The following DDX31 variants were observed in gnomAD, a reference collection of about 807,000 sequenced individuals.
DDX31 encodes ATP-dependent DNA helicase DDX31.
DDX31 carries 70 observed loss-of-function variants against 91.3 expected under a neutral mutation model. That is an observed-to-expected ratio of 0.77 (90% CI 0.63 to 0.94). The LOEUF (loss-of-function observed/expected upper bound fraction) is 0.94. Ranked by LOEUF, DDX31 falls within the 40% of genes least tolerant of loss-of-function variation. The pLI is 0.00. For synonymous variants in DDX31, 362 were observed against 350.6 expected (o/e 1.03, Z -0.36); for missense variants, 902 against 925.0 (o/e 0.98, Z 0.32).
intron 1 of DDX31, among the ~76,000 whole-genome samples, chr9:132,665,555 A>G (rs772333075): frequency 1.3e-5 from 2 of 152,196 alleles, no homozygotes; most frequent in Non-Finnish European, 2.9e-5. Flanking sequence ...GTAGCCTCTG[A>G]GCAGAGAGGG....
Position 132,659,787 on chromosome 9 carries a change from CA to C in DDX31, c.453-8del. On this transcript the variant is annotated splice_polypyrimidine_tract_variant and splice_region_variant and intron_variant, in intron 4 of 19. Transcript: ENST00000372159. Reference sequence around the variant, plus strand: ...AATACTTTGCTTCTGAACACTGGGCCACCCGAAAAAAAGAACACACTTTACC... The same window carrying C: ...AATACTTTGCTTCTGAACACTGGGCCCCCGAAAAAAAGAACACACTTTACC... 3 of 1,612,266 alleles carry C rather than the reference CA, an allele frequency of 1.9e-6. No homozygotes were observed. The highest frequency in any genetic ancestry group is 2.5e-6 in the Non-Finnish European group (3 of 1,179,100).
Position 132,593,062 on chromosome 9 carries a change from A to C in DDX31, c.*1804T>G, listed in dbSNP as rs537469363. On this transcript the variant is annotated 3_prime_UTR_variant, in exon 20 of 20. Transcript: ENST00000372159. ...AACAATATTAACCTTAAATCTGCTA[A>C]ATCCATGTTTCTTTATTAACTGGGG... The C allele has an allele frequency of 6.6e-6, 1 of 152,334 alleles. No individual in the cohort carries two copies. Among genetic ancestry groups the C allele is most frequent in the African/African-American group, 2.4e-5 (1 of 41,566 alleles). 9.4% of individuals were successfully genotyped at this position (152,334 alleles called of 1,614,324 possible).
At chr9:132,639,179 C>T (rs932937139) in intron 14 of DDX31, among the ~76,000 whole-genome samples, 2 of 152,114 alleles carry the variant, frequency 1.3e-5, no homozygotes, top group African/African-American at 4.8e-5. Flanking sequence ...CCCACTCGCC[C>T]CGCAGCTCTC....
intron 19 of DDX31, among the ~76,000 whole-genome samples, chr9:132,611,478 C>G (rs984307189): frequency 6.6e-6 from 1 of 152,198 alleles, no homozygotes; most frequent in Non-Finnish European, 1.5e-5. Flanking sequence ...ACTGGGAAAA[C>G]AGACTCAGAG....
Position 132,649,314 on chromosome 9 carries a change from TAAAGGG to T in DDX31, c.741-769_741-764del, listed in dbSNP as rs199932551. 7.1e-3 allele frequency among the ~76,000 whole-genome samples: 1,076 copies of T among 152,180 alleles called. 12 individuals are homozygous for T. The highest frequency in any genetic ancestry group is 0.025 in the African/African-American group (1,025 of 41,508). On this transcript the variant is annotated intron_variant, in intron 9 of 19. Coordinates refer to ENST00000372159, the MANE Select transcript of DDX31 (RefSeq NM_022779.9). ...TTTGTTTTAGCAATGGGATAAAAGG[TAAAGGG>T]AACACGCCAATCACACAAGCACCTT...
At chr9:132,647,598 A>G (rs1833917519) in intron 11 of DDX31, among the ~76,000 whole-genome samples, 1 of 152,310 alleles carries the variant, frequency 6.6e-6, no homozygotes, top group Admixed American at 6.5e-5. Context: ...AATGTGGCCT[A>G]GTAAATCAAG....
chr9:132,600,943 C>A (rs988990678), intron 19 of DDX31, among the ~76,000 whole-genome samples: 1 of 152,178 alleles, frequency 6.6e-6, no homozygotes, highest in African/African-American at 2.4e-5. Context: ...GCCTACAGTG[C>A]GTTAGAGAGC....
chr9:132,606,400 T>C lies in DDX31; in HGVS notation c.1994+5687A>G, dbSNP rs957453765. Among the ~76,000 whole-genome samples the C allele has an allele frequency of 2.6e-5, 4 of 152,192 alleles. 1 individual carries two copies. Among genetic ancestry groups the C allele is most frequent in the Non-Finnish European group, 5.9e-5 (4 of 68,036 alleles). Reference sequence around the variant, plus strand: ...AATGCTCGTCTTTGAGGGACTCGGTTCCATGTTTCCAAGGTTGTTCCTGAT... The same window carrying C: ...AATGCTCGTCTTTGAGGGACTCGGTCCCATGTTTCCAAGGTTGTTCCTGAT... On this transcript the variant is annotated intron_variant, in intron 19 of 19. Coordinates refer to ENST00000372159, the MANE Select transcript of DDX31 (RefSeq NM_022779.9).
chr9:132,630,370 G>A lies in DDX31; in HGVS notation c.1525C>T (p.His509Tyr). Reference protein sequence around the residue: ...NAPSSPAEYIHRIGRTARIGC... With the variant: ...NAPSSPAEYIYRIGRTARIGC... ...ATCCGGGCGGTTCTTCCAATCCGGTGGATGTATTCTGCAGGTGAAGATGGA... is the reference window on the plus strand; with the variant it reads ...ATCCGGGCGGTTCTTCCAATCCGGTAGATGTATTCTGCAGGTGAAGATGGA... The change falls in exon 16 of 20, where the codon CAC (histidine) becomes TAC (tyrosine). Residue 509 changes from histidine to tyrosine, a missense_variant. His to Tyr is a moderately conservative substitution (Grantham distance 83). Coordinates refer to ENST00000372159, the MANE Select transcript of DDX31 (RefSeq NM_022779.9). 1.2e-6 allele frequency: 2 copies of A among 1,603,146 alleles called. No homozygotes were observed. The highest frequency in any genetic ancestry group is 1.7e-5 in the Admixed American group (1 of 59,818).
intron 19 of DDX31, among the ~76,000 whole-genome samples, chr9:132,598,387 T>C (rs929959362): frequency 6.6e-6 from 1 of 152,186 alleles, no homozygotes; most frequent in East Asian, 1.9e-4. Flanking sequence ...TCCAATGGCC[T>C]TCCTGAGCAT....
At chr9:132,643,016 G>A (rs1444940228) in intron 13 of DDX31, among the ~76,000 whole-genome samples, 3 of 152,056 alleles carry the variant, frequency 2.0e-5, no homozygotes, top group Non-Finnish European at 4.4e-5. Context: ...AAGAGACGAG[G>A]TTTTGCCATG....
intron 18 of DDX31, among the ~76,000 whole-genome samples, chr9:132,615,919 CAAGGCAA>C (rs1362821014): frequency 2.6e-5 from 4 of 152,234 alleles, no homozygotes; most frequent in Non-Finnish European, 5.9e-5. Context: ...TTTCTGCCAT[CAAGGCAA>C]AAGCCAGCTG....
Position 132,608,304 on chromosome 9 carries a change from T to C in DDX31, c.1994+3783A>G, listed in dbSNP as rs369455369. ...TTTTGTGACTATGACTGTATTTCTA[T>C]GTGTAGGGGAAGATATTTACTGTTC... On this transcript the variant is annotated intron_variant, in intron 19 of 19. Coordinates refer to ENST00000372159, the MANE Select transcript of DDX31 (RefSeq NM_022779.9). Among the ~76,000 whole-genome samples the C allele has an allele frequency of 3.3e-5, 5 of 152,174 alleles. No homozygotes were observed. The South Asian group carries it at 8.3e-4, about 25-fold the overall frequency.
intron 14 of DDX31, chr9:132,638,091 C>T (rs1329532350): frequency 3.1e-6 from 4 of 1,298,082 alleles, no homozygotes; most frequent in Non-Finnish European, 2.0e-6. Flanking sequence ...GAAATGCACG[C>T]GCCGGACAGC....
intron 6 of DDX31, among the ~76,000 whole-genome samples, chr9:132,656,177 T>C (rs963621039): frequency 6.6e-6 from 1 of 152,202 alleles, no homozygotes; most frequent in Non-Finnish European, 1.5e-5. Context: ...ATCACCAAAG[T>C]AATTTAAGGA....
intron 6 of DDX31, among the ~76,000 whole-genome samples, chr9:132,653,632 T>C (rs963675188): frequency 6.8e-6 from 1 of 146,258 alleles, no homozygotes; most frequent in Admixed American, 6.8e-5. Flanking sequence ...ATGAAGAAAA[T>C]TTAAAAACAC....
At chr9:132,631,432 T>C (rs1450506975) in intron 15 of DDX31, among the ~76,000 whole-genome samples, 1 of 152,088 alleles carries the variant, frequency 6.6e-6, no homozygotes, top group Non-Finnish European at 1.5e-5. Flanking sequence ...TCCTGGCCAG[T>C]GACAGGCATG....
chr9:132,625,577 G>C, intron 17 of DDX31, 87 bp downstream of exon 17: 1 of 909,036 alleles, frequency 1.1e-6, no homozygotes, highest in Non-Finnish European at 1.8e-6. Context: ...CTTGACAGAG[G>C]AAGTAACCCA....
chr9:132,599,408 A>G (rs1397133055), intron 19 of DDX31, among the ~76,000 whole-genome samples: 2 of 152,252 alleles, frequency 1.3e-5, no homozygotes, highest in African/African-American at 4.8e-5. Context: ...TTTAATATAC[A>G]TAAATCTGTA....
Sources: gnomAD v4.1 joint callset for allele counts (sites outside exome capture counted in the v4.1 genomes callset) on GRCh38, gnomAD v4.1.1 for gene constraint, MANE v1.5 for transcripts, NCBI Gene and HGNC (gene_info 2026-07-23, HGNC 2026-07-21) for gene names.